The following ADAD2 variants were observed in gnomAD, a reference collection of about 807,000 sequenced individuals.
ADAD2 encodes the protein adenosine deaminase domain-containing protein 2.
In ADAD2, 60 loss-of-function variants were observed where a neutral mutation model predicts 54.5. The observed-to-expected ratio is 1.10, with a 90% CI of 0.89 to 1.36. ADAD2 has a LOEUF of 1.36. Ranked by LOEUF, ADAD2 falls within the 40% of genes most tolerant of loss-of-function variation. The pLI, the probability that ADAD2 is intolerant of heterozygous loss-of-function variation, is 0.00. For synonymous variants in ADAD2, 543 were observed against 366.2 expected, an observed-to-expected ratio of 1.48 and a Z score of -5.51; for missense variants, 1,103 against 801.3, an observed-to-expected ratio of 1.38 and a Z score of -4.54.
rs1458631011 is a variant in ADAD2 at position 84,195,575 on chromosome 16, G to A, written c.930G>A (p.Lys310=). 1 of 1,601,764 alleles carries A rather than the reference G, an allele frequency of 6.2e-7. No homozygotes were observed. Residue 310 remains lysine (K), a synonymous_variant, in exon 6 of 10, where the codon AAG becomes AAA. Transcript: ENST00000315906. ...QLLLATQGGP[K]GKEQSVLAPQ... is the part of the protein sequence containing the mutation. ...TGCTGGCCACACAGGGGGGCCCCAA[G>A]GGCAAGGAGCAGTCCGTGCTGGCCC...
At chr16:84,194,699 C>T (rs11864916) in intron 2 of ADAD2, 117 bp downstream of exon 2, 27 of 1,503,350 alleles carry the variant, frequency 1.8e-5, no homozygotes, top group Non-Finnish European at 2.0e-5. Context: ...GGTTGCTGTA[C>T]AAACCATCTG....
At position 84,191,215 on chromosome 16, in the gene ADAD2, A is replaced by G. The variant is rs1365022100; in HGVS notation, c.-16A>G. 1.2e-6 allele frequency: 2 copies of G among 1,605,390 alleles called. No individual in the cohort carries two copies. Among genetic ancestry groups the G allele is most frequent in the Non-Finnish European group, 1.7e-6 (2 of 1,175,552 alleles). ...CGCGAGATAGGGCCTAGCGCCTCAG[A>G]TCTTCGTTGGCGGCCATGGCTTCGG... On this transcript the variant is annotated 5_prime_UTR_variant, in exon 1 of 10. Coordinates refer to ENST00000315906, the MANE Select transcript of ADAD2 (RefSeq NM_001145400.2).
chr16:84,192,427 G>C (rs2089667566), intron 1 of ADAD2: 1 of 152,568 alleles, frequency 6.6e-6, no homozygotes, highest in African/African-American at 2.4e-5. Flanking sequence ...GAGATTACAG[G>C]TGTGAGCCAC....
rs758408084 is a variant in ADAD2 at position 84,194,244 on chromosome 16, G to A, written c.419-198G>A. On this transcript the variant is annotated intron_variant, in intron 1 of 9. Coordinates refer to ENST00000315906, the MANE Select transcript of ADAD2 (RefSeq NM_001145400.2). ...TGGGTGAGGACTTGGTTGAATCAGC[G>A]ATGGGTCACAGCCTGCAGAGGCACT... 3.3e-5 allele frequency: 52 copies of A among 1,554,676 alleles called. No homozygotes were observed. The East Asian group carries it at 8.3e-4, about 25-fold the overall frequency.
chr16:84,191,474 C>T lies in ADAD2; in HGVS notation c.244C>T (p.Arg82Trp), dbSNP rs373376587. 273 of 1,537,758 alleles carry T rather than the reference C, an allele frequency of 1.8e-4. No homozygotes were observed. Among genetic ancestry groups the T allele is most frequent in the Non-Finnish European group, 2.3e-4 (264 of 1,143,940 alleles). ...CGGAGTCGGGGAACTGGGGGCAGCC[C>T]GGGCGTGGGAAAACTTGGGGGAACA... Reference protein sequence around the residue: ...GAGVGELGAARAWENLGEQMG... With the variant: ...GAGVGELGAAWAWENLGEQMG... The change falls in exon 1 of 10, where the codon CGG becomes TGG. Residue 82 changes from arginine to tryptophan, a missense_variant. By Grantham distance (101) the Arg-to-Trp change is moderately radical. Coordinates refer to ENST00000315906, the MANE Select transcript of ADAD2 (RefSeq NM_001145400.2).
intron 1 of ADAD2, chr16:84,194,182 T>G (rs147514196): frequency 6.3e-7 from 1 of 1,592,196 alleles, no homozygotes. Flanking sequence ...TCTGCTCATC[T>G]GTGAAATGGA....
chr16:84,194,188 A>T, intron 1 of ADAD2: 9 of 1,585,946 alleles, frequency 5.7e-6, no homozygotes, highest in Non-Finnish European at 7.7e-6. Flanking sequence ...CATCTGTGAA[A>T]TGGAGTCACG....
At chr16:84,193,824 G>A in intron 1 of ADAD2, 1 of 597,316 alleles carries the variant, frequency 1.7e-6, no homozygotes, top group East Asian at 2.9e-5. Flanking sequence ...AGCGCAGTGG[G>A]GAGTGCTGAA....
At position 84,195,932 on chromosome 16, in the gene ADAD2, C is replaced by G. The variant is rs898224900; in HGVS notation, c.1170C>G (p.His390Gln). The part of the protein sequence containing the change: ...CYVAPSLCDT[H>Q]VGCLSASDKL... ...TGGCGCCCTCGCTCTGTGACACCCACGTGGGCTGCCTGTCAGCCAGTGACA... is the reference window on the plus strand; with the variant it reads ...TGGCGCCCTCGCTCTGTGACACCCAGGTGGGCTGCCTGTCAGCCAGTGACA... The change falls in exon 7 of 10, where the codon CAC (histidine) becomes CAG (glutamine). Residue 390 changes from histidine (H) to glutamine (Q), a missense_variant. By Grantham distance (24) the His-to-Gln change is conservative. Coordinates refer to ENST00000315906, the MANE Select transcript of ADAD2 (RefSeq NM_001145400.2). 2 of 1,599,722 alleles carry G rather than the reference C, an allele frequency of 1.3e-6. No individual in the cohort carries two copies. Among genetic ancestry groups the G allele is most frequent in the Non-Finnish European group, 1.7e-6 (2 of 1,179,610 alleles).
Position 84,195,412 on chromosome 16 carries a change from C to T in ADAD2, c.850C>T (p.His284Tyr), listed in dbSNP as rs1247318971. 2 of 1,609,480 alleles carry T rather than the reference C, an allele frequency of 1.2e-6. No homozygotes were observed. The highest frequency in any genetic ancestry group is 1.3e-5 in the African/African-American group (1 of 74,902). The change falls in exon 5 of 10, where the codon CAT (histidine) becomes TAT (tyrosine). Residue 284 changes from histidine to tyrosine, a missense_variant. His to Tyr is a moderately conservative substitution (Grantham distance 83, BLOSUM62 2). Transcript: ENST00000315906. ...CTCGGGCCAGCAGCTCCACGACTGC[C>T]ATGGCCTGGTCATCGCCCGCAGGGC... is the stretch of plus-strand genomic sequence containing the variant. Reference protein sequence around the residue: ...EFSGQQLHDCHGLVIARRALL... With the variant: ...EFSGQQLHDCYGLVIARRALL...
Position 84,196,783 on chromosome 16 carries a change from T to TC in ADAD2, c.1647+22dup, listed in dbSNP as rs771465722. ...GGCTGCCAAGGTTGGTTCCCCACCC[T>TC]CCCCCCGTCCCGGTCCCTCTCCAGC... On this transcript the variant is annotated intron_variant, in intron 9 of 9. Transcript: ENST00000315906. The TC allele has an allele frequency of 6.6e-6, 10 of 1,521,724 alleles. No individual in the cohort carries two copies. Among genetic ancestry groups the TC allele is most frequent in the South Asian group, 3.4e-5 (3 of 88,870 alleles). The allele number at this position is 1,521,724 out of a possible 1,614,324, so 94.3% of individuals were successfully genotyped here. A position where few individuals can be genotyped will look rare whatever the true frequency, so the allele number is the denominator to read the frequency against.
At chr16:84,192,899 C>G (rs2089673531) in intron 1 of ADAD2, 1 of 151,934 alleles carries the variant, frequency 6.6e-6, no homozygotes, top group Non-Finnish European at 1.5e-5. Context: ...GGCTGGAGTG[C>G]AGTGGTGAGA....
At position 84,194,482 on chromosome 16, in the gene ADAD2, G is replaced by T. The variant is rs1354293589; in HGVS notation, c.459G>T (p.Gly153=). ...TCTCGGTGAGCGCGGAACTGGATGGGGTGGTCTGCCCTGCGGGCACTGCGA... is the reference window on the plus strand; with the variant it reads ...TCTCGGTGAGCGCGGAACTGGATGGTGTGGTCTGCCCTGCGGGCACTGCGA... ...FPFSVSAELD[G]VVCPAGTANS... Residue 153 remains glycine, a synonymous_variant, in exon 2 of 10, where the codon GGG becomes GGT. Transcript: ENST00000315906. 2 of 1,610,004 alleles carry T rather than the reference G, an allele frequency of 1.2e-6. No individual in the cohort carries two copies. Among genetic ancestry groups the T allele is most frequent in the Non-Finnish European group, 1.7e-6 (2 of 1,179,482 alleles).
At chr16:84,191,954 C>G (rs911821927) in intron 1 of ADAD2, 99 of 506,124 alleles carry the variant, frequency 2.0e-4, no homozygotes, top group Non-Finnish European at 4.0e-5. Flanking sequence ...TTTTTAGAGC[C>G]ACTTACATGC....
At position 84,191,614 on chromosome 16, in the gene ADAD2, C is replaced by T. The variant is rs776651747; in HGVS notation, c.384C>T (p.Gly128=). 17 of 1,554,250 alleles carry T rather than the reference C, an allele frequency of 1.1e-5. 1 individual carries two copies. The highest frequency in any genetic ancestry group is 7.3e-5 in the East Asian group (3 of 41,322). Residue 128 remains glycine, a synonymous_variant, in exon 1 of 10, where the codon GGC becomes GGT. Transcript: ENST00000315906. ...TCACGGAGTACGCGGCCAGCCTGGG[C>T]ATCTTCCTGCTCTTCCGGGAGGACC... The part of the protein sequence containing the change: ...SLLTEYAASL[G]IFLLFREDQP...
At chr16:84,194,130 G>C (rs368578405) in intron 1 of ADAD2, 33 of 1,613,596 alleles carry the variant, frequency 2.0e-5, no homozygotes, top group Non-Finnish European at 2.8e-5. Context: ...GAGGGGACCT[G>C]GATTTGGGTC....
Position 84,196,911 on chromosome 16 carries a change from C to A in ADAD2, c.1689C>A (p.Leu563=). Residue 563 remains leucine, a synonymous_variant, in exon 10 of 10, where the codon CTC becomes CTA. Transcript: ENST00000315906. ...AGGCTCGCAGGCAGCTGTCTCTCCT[C>A]CTGGACCAGCAGGGCCTGGGGGCTT... ...YQEARRQLSL[L]LDQQGLGAWP... The A allele has an allele frequency of 6.2e-7, 1 of 1,602,674 alleles. No individual in the cohort carries two copies. Among genetic ancestry groups the A allele is most frequent in the Non-Finnish European group, 8.5e-7 (1 of 1,175,710 alleles).
At chr16:84,195,772 A>G in intron 6 of ADAD2, 43 bp from the exon 7 acceptor site, 2 of 1,552,242 alleles carry the variant, frequency 1.3e-6, no homozygotes, top group Non-Finnish European at 1.7e-6. Context: ...CAGGGTCAGA[A>G]GAGCAGCCCT....
chr16:84,194,847 C>T, intron 2 of ADAD2, 86 bp from the exon 3 acceptor site: 2 of 1,437,796 alleles, frequency 1.4e-6, no homozygotes. Flanking sequence ...AAGATGAAAA[C>T]TTCCTCTCCC....
Sources: gnomAD v4.1 joint callset for allele counts on GRCh38, gnomAD v4.1.1 for gene constraint, MANE v1.5 for transcripts, NCBI Gene and HGNC (gene_info 2026-07-23, HGNC 2026-07-21) for gene names.